CSMD1: variants seen among roughly 807,000 people sequenced by gnomAD.
The protein encoded by CSMD1 is CUB and Sushi multiple domains 1, also known as CUB and sushi domain-containing protein 1.
A neutral mutation model predicts 417.5 loss-of-function variants in CSMD1; 213 were observed. The observed-to-expected ratio is 0.51, with a 90% CI of 0.46 to 0.57. CSMD1 has a LOEUF of 0.57. CSMD1 is among the 20% of genes least tolerant of loss of function. The pLI is 0.00. For synonymous variants in CSMD1, 2,862 were observed against 1,736.8 expected (o/e 1.65, Z -16.11); for missense variants, 6,923 against 4,529.7 (o/e 1.53, Z -15.17).
At chr8:4,104,709 G>C (rs1022584743) in intron 3 of CSMD1, among the ~76,000 whole-genome samples, 3 of 152,178 alleles carry the variant, frequency 2.0e-5, no homozygotes, top group East Asian at 1.9e-4. Context: ...ACAATAGCTG[G>C]CAACAGTCCC....
At chr8:4,558,455 G>A (rs1246268808) in intron 2 of CSMD1, among the ~76,000 whole-genome samples, 2 of 152,144 alleles carry the variant, frequency 1.3e-5, no homozygotes, top group Non-Finnish European at 2.9e-5. Flanking sequence ...TTAAGTGAGG[G>A]TTGCAGTTTG....
intron 3 of CSMD1, among the ~76,000 whole-genome samples, chr8:4,115,569 T>C (rs549058023): frequency 8.5e-5 from 13 of 152,328 alleles, no homozygotes; most frequent in Non-Finnish European, 1.6e-4. Context: ...ATTTGGCTAA[T>C]AAGGAACTTA....
chr8:4,641,595 G>A (rs1221425434), intron 1 of CSMD1, among the ~76,000 whole-genome samples: 1 of 152,126 alleles, frequency 6.6e-6, no homozygotes, highest in South Asian at 2.1e-4. Flanking sequence ...AAAGTCTTCT[G>A]GGAATGAATC....
intron 1 of CSMD1, among the ~76,000 whole-genome samples, chr8:4,643,538 T>C (rs1035910336): frequency 2.0e-5 from 3 of 152,022 alleles, no homozygotes; most frequent in South Asian, 2.1e-4. Flanking sequence ...AAAAATAAAA[T>C]AATATAAAAT....
At chr8:4,108,175 G>C (rs1296691676) in intron 3 of CSMD1, among the ~76,000 whole-genome samples, 1 of 152,054 alleles carries the variant, frequency 6.6e-6, no homozygotes, top group Non-Finnish European at 1.5e-5. Context: ...TTTTTATTAA[G>C]TTGTATCAGA....
intron 2 of CSMD1, among the ~76,000 whole-genome samples, chr8:4,622,596 G>C (rs1801848235): frequency 6.6e-6 from 1 of 152,134 alleles, no homozygotes; most frequent in African/African-American, 2.4e-5. Context: ...TACAAGGTTT[G>C]GTTTCGGAAT....
chr8:4,033,462 A>C (rs935132243), intron 3 of CSMD1, among the ~76,000 whole-genome samples: 1 of 152,122 alleles, frequency 6.6e-6, no homozygotes, highest in East Asian at 1.9e-4. Context: ...AACAACAACA[A>C]TAAAAAAACC....
At position 3,982,589 on chromosome 8, in the gene CSMD1, A is replaced by T. The variant is rs552829723; in HGVS notation, c.818+15314T>A. On this transcript the variant is annotated intron_variant, in intron 5 of 69. Transcript: ENST00000635120. Reference sequence around the variant, plus strand: ...TATGCGCCTAGTCATTTAGAATTTCACTACTATTATGAAGTACTGCTGAGA... The same window carrying T: ...TATGCGCCTAGTCATTTAGAATTTCTCTACTATTATGAAGTACTGCTGAGA... 5.4e-4 allele frequency among the ~76,000 whole-genome samples: 82 copies of T among 151,582 alleles called. 1 individual carries two copies. Among genetic ancestry groups the T allele is most frequent in the African/African-American group, 1.9e-3 (80 of 41,262 alleles).
At chr8:3,997,783 A>C in intron 5 of CSMD1, 120 bp downstream of exon 5, 1 of 877,410 alleles carries the variant, frequency 1.1e-6, no homozygotes, top group Non-Finnish European at 1.7e-6. Flanking sequence ...GCAAGGCGAA[A>C]AAAGGAACAC....
chr8:3,875,192 TG>T (rs1206298468), intron 5 of CSMD1, among the ~76,000 whole-genome samples: 2 of 151,492 alleles, frequency 1.3e-5, no homozygotes, highest in Non-Finnish European at 2.9e-5. Context: ...GGGGAAGGAG[TG>T]GAACAGTGAG....
intron 3 of CSMD1, among the ~76,000 whole-genome samples, chr8:4,258,171 C>T (rs1803594405): frequency 6.6e-6 from 1 of 150,424 alleles, no homozygotes; most frequent in Admixed American, 6.6e-5. Context: ...TCTCAAACTC[C>T]TGGCCTCAAG....
At chr8:3,128,228 G>C (rs1316705023) in intron 41 of CSMD1, 3 of 152,134 alleles carry the variant, frequency 2.0e-5, no homozygotes, top group African/African-American at 7.2e-5. Flanking sequence ...AGTGCAACGA[G>C]ACCATGCAGT....
chr8:3,772,859 T>G lies in CSMD1; in HGVS notation c.819-18817A>C, dbSNP rs142546823. 3.3e-3 allele frequency among the ~76,000 whole-genome samples: 500 copies of G among 152,024 alleles called. 5 individuals are homozygous for G. The highest frequency in any genetic ancestry group is 0.012 in the African/African-American group (479 of 41,452). On this transcript the variant is annotated intron_variant, in intron 5 of 69. Coordinates refer to ENST00000635120, the MANE Select transcript of CSMD1 (RefSeq NM_033225.6). ...TCCCAACCCCCTCCTCTGCACCACA[T>G]CCTTAGTGCATTCAGGGTGACAATG...
At chr8:4,271,298 A>G (rs957487027) in intron 3 of CSMD1, among the ~76,000 whole-genome samples, 2 of 152,210 alleles carry the variant, frequency 1.3e-5, no homozygotes, top group African/African-American at 4.8e-5. Flanking sequence ...GCAGGCAACC[A>G]TCAACCCACA....
chr8:3,968,450 G>C (rs900453660), intron 5 of CSMD1, among the ~76,000 whole-genome samples: 1 of 152,082 alleles, frequency 6.6e-6, no homozygotes, highest in Non-Finnish European at 1.5e-5. Context: ...CCCACACAAT[G>C]CTTTTCTCTT....
At chr8:4,613,864 A>AAAG in intron 2 of CSMD1, among the ~76,000 whole-genome samples, 1 of 151,220 alleles carries the variant, frequency 6.6e-6, no homozygotes, top group East Asian at 1.9e-4. Flanking sequence ...TAATGCCAAA[A>AAAG]AAAAAAAAAA....
intron 33 of CSMD1, among the ~76,000 whole-genome samples, chr8:3,196,331 T>C (rs766455799): frequency 2.0e-5 from 3 of 152,292 alleles, no homozygotes; most frequent in Admixed American, 2.0e-4. Flanking sequence ...ATTTAGCATA[T>C]AATCAAGAAA....
At chr8:4,271,622 A>G (rs1804602573) in intron 3 of CSMD1, among the ~76,000 whole-genome samples, 1 of 152,120 alleles carries the variant, frequency 6.6e-6, no homozygotes, top group South Asian at 2.1e-4. Flanking sequence ...GCTCTTTTGC[A>G]GCAGCTTTAA....
At chr8:3,792,232 G>C (rs1218464617) in intron 5 of CSMD1, among the ~76,000 whole-genome samples, 1 of 152,050 alleles carries the variant, frequency 6.6e-6, no homozygotes, top group African/African-American at 2.4e-5. Context: ...GGGCGAGGCT[G>C]CAGGGAGTTA....
Sources: allele counts gnomAD v4.1 joint callset (sites outside exome capture counted in the v4.1 genomes callset), GRCh38; gene constraint gnomAD v4.1.1; transcripts MANE v1.5; gene names NCBI Gene and HGNC (gene_info 2026-07-23, HGNC 2026-07-21).